ABITRAM: variants seen among roughly 807,000 people sequenced by gnomAD.
ABITRAM encodes the protein protein Abitram.
A neutral mutation model predicts 22.9 loss-of-function variants in ABITRAM; 19 were observed. The observed-to-expected ratio is 0.83, with a 90% CI of 0.58 to 1.22. The LOEUF (loss-of-function observed/expected upper bound fraction) is 1.22. Among genes scored for constraint, ABITRAM ranks in the 50% most tolerant of loss-of-function variants. The pLI, the probability that ABITRAM is intolerant of heterozygous loss-of-function variation, is 0.00. For missense variants in ABITRAM, 215 were observed against 220.2 expected (o/e 0.98, Z 0.15); for synonymous variants, 70 against 73.9 (o/e 0.95, Z 0.27).
At chr9:108,942,548 A>ATT (rs1830272097), downstream of ABITRAM, 1 of 549,910 alleles carries the variant, frequency 1.8e-6, no homozygotes, top group Non-Finnish European at 3.2e-6. Flanking sequence ...GCAATGTTCT[A>ATT]TTTTAAAAAT....
intron 3 of ABITRAM, among the ~76,000 whole-genome samples, chr9:108,938,735 G>C (rs945080071): frequency 6.6e-6 from 1 of 151,052 alleles, no homozygotes; most frequent in Non-Finnish European, 1.5e-5. Flanking sequence ...AAAAGTCTTA[G>C]TGATTGACCC....
At chr9:108,944,296 T>C (rs1161062520), downstream of ABITRAM, among the ~76,000 whole-genome samples, 3 of 152,194 alleles carry the variant, frequency 2.0e-5, no homozygotes, top group Non-Finnish European at 4.4e-5. Context: ...ACCTGTGATA[T>C]TCAGCCACAC....
chr9:108,937,780 G>A (rs1830207124), intron 3 of ABITRAM, among the ~76,000 whole-genome samples: 1 of 151,236 alleles, frequency 6.6e-6, no homozygotes, highest in African/African-American at 2.4e-5. Flanking sequence ...TTGAGGCCAG[G>A]AATTTGTGAC....
intron 3 of ABITRAM, among the ~76,000 whole-genome samples, chr9:108,949,335 C>T (rs1830493123): frequency 6.6e-6 from 1 of 152,146 alleles, no homozygotes; most frequent in South Asian, 2.1e-4. Context: ...ACAATTCTGA[C>T]ACTGAAACAA....
At chr9:108,939,147 A>G (rs1291910950) in intron 3 of ABITRAM, 49 bp from the exon 4 acceptor site, 7 of 1,528,900 alleles carry the variant, frequency 4.6e-6, no homozygotes, top group South Asian at 1.1e-5. Flanking sequence ...TTCTCAAAGG[A>G]AAGTGGAAAT....
At chr9:108,942,536 G>C (rs1830271897), downstream of ABITRAM, 5 of 536,402 alleles carry the variant, frequency 9.3e-6, no homozygotes, top group South Asian at 1.1e-4. Context: ...AAGAACATTA[G>C]TGCAATGTTC....
rs772791350 is a variant in ABITRAM at position 108,948,147 on chromosome 9, G to A, written c.262-2360G>A. ...AACATTTATTACCCACTTTTAGCCCGAAATTAAAGTACTAGCATAAAACGG... is the reference window on the plus strand; with the variant it reads ...AACATTTATTACCCACTTTTAGCCCAAAATTAAAGTACTAGCATAAAACGG... On this transcript the variant is annotated intron_variant, in intron 3 of 3. Coordinates refer to the ABITRAM transcript ENST00000374624. 30 of 1,603,846 alleles carry A rather than the reference G, an allele frequency of 1.9e-5. No individual in the cohort carries two copies. In the East Asian group the frequency reaches 3.1e-4, roughly 17 times the overall value.
chr9:108,938,672 C>G (rs1452373313), intron 3 of ABITRAM, among the ~76,000 whole-genome samples: 1 of 140,542 alleles, frequency 7.1e-6, no homozygotes, highest in East Asian at 2.1e-4. Context: ...CCCTTACTAA[C>G]ACACTGGGGA....
At chr9:108,943,117 T>C, downstream of ABITRAM, 1 of 1,337,056 alleles carries the variant, frequency 7.5e-7, no homozygotes, top group Non-Finnish European at 1.0e-6. Context: ...TATTTAGTTT[T>C]AACATGATAA....
rs746496539 is a variant in ABITRAM at position 108,939,568 on chromosome 9, T to C, written c.428T>C (p.Ile143Thr). ...TTCCAGCCATCTACTGAAGGCTACATTGCAGTTGTGTTACCCAAATTTGAA... is the reference window on the plus strand; with the variant it reads ...TTCCAGCCATCTACTGAAGGCTACACTGCAGTTGTGTTACCCAAATTTGAA... ...LQEKPSTEGY[I>T]AVVLPKFEES... The change falls in exon 6 of 6, where the codon ATT (isoleucine) becomes ACT (threonine). Residue 143 changes from isoleucine (I) to threonine (T), a missense_variant. Physicochemically the swap from Ile to Thr is moderately conservative, Grantham distance 89. Transcript: ENST00000322940. 9.9e-6 allele frequency: 16 copies of C among 1,613,968 alleles called. No homozygotes were observed. The Admixed American group carries it at 1.5e-4, about 15-fold the overall frequency.
rs191355729 is a variant in ABITRAM, at chr9:108,935,789, A to G, written c.131+100A>G. ...CTTGGATTGAACAAATGTTCACTAA[A>G]CAAACATGCATTAATTATCTTCTAC... On this transcript the variant is annotated intron_variant, in intron 2 of 5. Coordinates refer to ENST00000322940, the MANE Select transcript of ABITRAM (RefSeq NM_017832.4). 1.4e-4 allele frequency: 104 copies of G among 735,490 alleles called. 3 individuals carry two copies. In the Admixed American group the frequency reaches 2.4e-3, roughly 17 times the overall value. 45.6% of individuals were successfully genotyped at this position (735,490 alleles called of 1,614,324 possible). A position where few individuals can be genotyped will look rare whatever the true frequency, so the allele number is the denominator to read the frequency against.
At position 108,940,878 on chromosome 9, in the gene ABITRAM, C is replaced by T. The variant is rs534856525; in HGVS notation, c.*1192C>T. On this transcript the variant is annotated 3_prime_UTR_variant, in exon 6 of 6. Transcript: ENST00000322940. ...AATTTCAAATAAAAGGACTATAAAA[C>T]GTGTTATTTTTCTGTAAGGGCTATA... is the stretch of plus-strand genomic sequence containing the variant. 1.3e-5 allele frequency: 2 copies of T among 152,050 alleles called. No homozygotes were observed. The highest frequency in any genetic ancestry group is 2.1e-4 in the South Asian group (1 of 4,816). 9.4% of individuals were successfully genotyped at this position (152,050 alleles called of 1,614,324 possible).
In ABITRAM at chr9:108,939,796, A is replaced by G. The variant is rs1477948312; in HGVS notation, c.*110A>G. 2 of 1,292,536 alleles carry G rather than the reference A, an allele frequency of 1.5e-6. No individual in the cohort carries two copies. The highest frequency in any genetic ancestry group is 3.0e-5 in the African/African-American group (2 of 67,056). 80.1% of individuals were successfully genotyped at this position (1,292,536 alleles called of 1,614,324 possible). A position where few individuals can be genotyped will look rare whatever the true frequency, so the allele number is the denominator to read the frequency against. On this transcript the variant is annotated 3_prime_UTR_variant, in exon 6 of 6. Transcript: ENST00000322940. Reference sequence around the variant, plus strand: ...TGTAAAGCATACCTAACAGCCAGCCATATGCAGGGGAGGCCTAGTGCTTCA... The same window carrying G: ...TGTAAAGCATACCTAACAGCCAGCCGTATGCAGGGGAGGCCTAGTGCTTCA...
downstream of ABITRAM, chr9:108,944,039 C>G (rs1830327247): frequency 6.2e-7 from 1 of 1,608,262 alleles, no homozygotes; most frequent in African/African-American, 1.3e-5. Context: ...GAGAAAACAC[C>G]ACTATTTTAG....
downstream of ABITRAM, among the ~76,000 whole-genome samples, chr9:108,945,250 C>T (rs1290559159): frequency 6.6e-6 from 1 of 152,154 alleles, no homozygotes. Context: ...ATGCTTAAGT[C>T]CCTTAAATAA....
At chr9:108,941,256 T>TGTA (rs1426690614), downstream of ABITRAM, among the ~76,000 whole-genome samples, 1 of 151,962 alleles carries the variant, frequency 6.6e-6, no homozygotes, top group Non-Finnish European at 1.5e-5. Context: ...ACATGATACA[T>TGTA]GTAGTAAGTG....
rs145052030 is a variant in ABITRAM, at chr9:108,948,311, G to C, written c.262-2196G>C. ...TTGACTTTATAATATTAAAATTTTA[G>C]AGCATTTGTGTATTAACAAATCCTA... is the stretch of plus-strand genomic sequence containing the variant. On this transcript the variant is annotated intron_variant, in intron 3 of 3. Coordinates refer to the ABITRAM transcript ENST00000374624. 662 of 1,377,064 alleles carry C rather than the reference G, an allele frequency of 4.8e-4. 5 individuals are homozygous for C. The African/African-American group carries it at 8.5e-3, about 18-fold the overall frequency. The allele number at this position is 1,377,064 out of a possible 1,614,324, so 85.3% of individuals were successfully genotyped here.
downstream of ABITRAM, chr9:108,943,990 G>C (rs1031600118): frequency 3.0e-5 from 48 of 1,613,746 alleles, no homozygotes; most frequent in Non-Finnish European, 3.9e-5. Flanking sequence ...AACACTGGAA[G>C]TAAGCTTTAA....
rs376866063 is a variant in ABITRAM at position 108,939,883 on chromosome 9, G to C, written c.*197G>C. 2 of 577,230 alleles carry C rather than the reference G, an allele frequency of 3.5e-6. No individual in the cohort carries two copies. The highest frequency in any genetic ancestry group is 3.4e-5 in the Admixed American group (1 of 29,192). The allele number at this position is 577,230 out of a possible 1,614,324, so 35.8% of individuals were successfully genotyped here. A position where few individuals can be genotyped will look rare whatever the true frequency, so the allele number is the denominator to read the frequency against. On this transcript the variant is annotated 3_prime_UTR_variant, in exon 6 of 6. Transcript: ENST00000322940. ...GTTCCCATTTGTCTACAGCCTGCCA[G>C]ATCTGGCCTGCCCATGTACTCACAC... is the stretch of plus-strand genomic sequence containing the variant.
Sources: gnomAD v4.1 joint callset for allele counts (sites outside exome capture counted in the v4.1 genomes callset) on GRCh38, gnomAD v4.1.1 for gene constraint, MANE v1.5 for transcripts, NCBI Gene and HGNC (gene_info 2026-07-23, HGNC 2026-07-21) for gene names.